The following GPHN variants were observed in gnomAD, a reference collection of about 807,000 sequenced individuals.
The protein encoded by GPHN is gephyrin.
In GPHN, 17 loss-of-function variants were observed where a neutral mutation model predicts 95.5. That is an observed-to-expected ratio of 0.18 (90% confidence interval 0.12 to 0.27). The LOEUF is 0.27. Ranked by LOEUF, GPHN falls within the 10% of genes least tolerant of loss-of-function variation. The probability of loss-of-function intolerance (pLI) is 1.00; values close to 1 mark genes in which losing one functional copy is unlikely to be tolerated. For synonymous variants in GPHN, 320 were observed against 322.5 expected (o/e 0.99, Z 0.08); for missense variants, 660 against 978.1 (o/e 0.67, Z 4.34).
chr14:67,357,046 T>A, the GPHN span, among the ~76,000 whole-genome samples: 5 of 152,222 alleles, frequency 3.3e-5, no homozygotes, highest in Non-Finnish European at 4.4e-5. Flanking sequence ...GCAATTTTAA[T>A]TCCTGAAACT....
the GPHN span, chr14:67,412,020 T>G: frequency 9.0e-5 from 140 of 1,555,334 alleles, no homozygotes; most frequent in Non-Finnish European, 1.2e-4. Context: ...GCACTCACCC[T>G]CTTGACCAGG....
At chr14:67,206,255 T>C in the GPHN span, among the ~76,000 whole-genome samples, 1,209 of 152,116 alleles carry the variant, frequency 7.9e-3, 11 homozygotes, top group Admixed American at 0.018. Context: ...TCCCAGCACT[T>C]TGGGAGACCG....
At chr14:67,188,433 T>C in the GPHN span, among the ~76,000 whole-genome samples, 2 of 152,242 alleles carry the variant, frequency 1.3e-5, no homozygotes, top group African/African-American at 2.4e-5. Context: ...CAGAATTAAA[T>C]TGATATCATC....
At chr14:67,189,847 T>TC in the GPHN span, 1 of 145,618 alleles carries the variant, frequency 6.9e-6, no homozygotes, top group East Asian at 2.0e-4. Flanking sequence ...ATTTTTTTTT[T>TC]TTTTTTTTTT....
At chr14:67,203,343 G>A in the GPHN span, 4 of 1,430,884 alleles carry the variant, frequency 2.8e-6, no homozygotes, top group African/African-American at 1.4e-5. Context: ...ATGTGCATTA[G>A]CCCTGTGGAT....
At chr14:67,241,921 C>G in the GPHN span, 1 of 152,142 alleles carries the variant, frequency 6.6e-6, no homozygotes, top group Non-Finnish European at 1.5e-5. Context: ...GGGAAATCGG[C>G]GAGGGAACGC....
At chr14:67,725,954 A>G in the GPHN span, 1 of 851,852 alleles carries the variant, frequency 1.2e-6, no homozygotes, top group Non-Finnish European at 2.0e-6. Flanking sequence ...AACAAAGACA[A>G]CTAATGAACA....
At chr14:67,195,705 C>A in the GPHN span, among the ~76,000 whole-genome samples, 1 of 138,078 alleles carries the variant, frequency 7.2e-6, no homozygotes, top group Non-Finnish European at 1.5e-5. Flanking sequence ...TTAATGCTTT[C>A]TTTTTGGTTG....
intron 5 of GPHN, among the ~76,000 whole-genome samples, chr14:66,899,231 A>T (rs1274625570): frequency 2.0e-5 from 3 of 149,852 alleles, no homozygotes; most frequent in African/African-American, 7.4e-5. Flanking sequence ...GTTTTACTTC[A>T]TTCTTTGTGA....
intron 1 of GPHN, among the ~76,000 whole-genome samples, chr14:66,570,077 C>T (rs866766046): frequency 6.6e-6 from 1 of 151,816 alleles, no homozygotes. Context: ...CATTTAACAA[C>T]ATGGATGAAT....
At chr14:67,541,771 C>A in the GPHN span, 1 of 1,157,774 alleles carries the variant, frequency 8.6e-7, no homozygotes, top group Non-Finnish European at 1.2e-6. Flanking sequence ...CCCGTTCTTT[C>A]CCCACAGAAC....
the GPHN span, among the ~76,000 whole-genome samples, chr14:67,595,897 T>C: frequency 7.2e-5 from 11 of 152,210 alleles, no homozygotes; most frequent in African/African-American, 2.7e-4. Flanking sequence ...TCCTACCTTA[T>C]GACTTCTTGT....
At chr14:67,624,846 A>G in the GPHN span, among the ~76,000 whole-genome samples, 4 of 152,316 alleles carry the variant, frequency 2.6e-5, no homozygotes, top group South Asian at 8.3e-4. Flanking sequence ...AAAACATTGA[A>G]TCTCAGTAAG....
At position 66,924,264 on chromosome 14, in the gene GPHN, A is replaced by T; in HGVS notation, c.800A>T (p.Asn267Ile). 6.2e-7 allele frequency: 1 copy of T among 1,608,546 alleles called. No homozygotes were observed. Among genetic ancestry groups the T allele is most frequent in the Non-Finnish European group, 8.5e-7 (1 of 1,174,890 alleles). The stretch of plus-strand genomic sequence containing the variant: ...GAACAGCCCATCCCTGGTCTCATCA[A>T]TTATTCCCATCATTCAACAGATGAA... ...HGEQPIPGLI[N>I]YSHHSTDERI... is the part of the protein sequence containing the mutation. The change falls in exon 8 of 23, where the codon AAT becomes ATT. Residue 267 changes from asparagine to isoleucine, a missense_variant. Physicochemically the swap from Asn to Ile is moderately radical, Grantham distance 149 (BLOSUM62 -3). This residue lies in a region of GPHN where 190 missense variants were observed against 224.7 expected (regional missense o/e 0.85). Transcript: ENST00000478722.
At chr14:67,258,758 A>G in the GPHN span, among the ~76,000 whole-genome samples, 1 of 152,100 alleles carries the variant, frequency 6.6e-6, no homozygotes, top group East Asian at 2.0e-4. Context: ...CCTTAATAAC[A>G]AAGTAATAGT....
At chr14:67,320,428 G>C in the GPHN span, 1 of 1,543,320 alleles carries the variant, frequency 6.5e-7, no homozygotes, top group African/African-American at 1.4e-5. Context: ...ATTTTCCTGT[G>C]CTTTTCAATT....
chr14:67,316,719 G>A, the GPHN span: 1 of 758,516 alleles, frequency 1.3e-6, no homozygotes, highest in Non-Finnish European at 2.0e-6. Flanking sequence ...AAAGGATTTG[G>A]AAGGGAATAT....
chr14:67,674,584 G>C, the GPHN span: 2 of 1,039,952 alleles, frequency 1.9e-6, no homozygotes, highest in Non-Finnish European at 2.6e-6. Context: ...TGGCCATAAC[G>C]GCGACCGCCG....
chr14:67,465,780 A>G, the GPHN span, among the ~76,000 whole-genome samples: 10 of 152,240 alleles, frequency 6.6e-5, no homozygotes, highest in Non-Finnish European at 1.2e-4. Context: ...TTGCAGTTGT[A>G]ATTAAGGATC....
Sources: allele counts gnomAD v4.1 joint callset (sites outside exome capture counted in the v4.1 genomes callset), GRCh38; gene constraint gnomAD v4.1.1; regional missense constraint gnomAD v4.1.1; transcripts MANE v1.5; gene names NCBI Gene and HGNC (gene_info 2026-07-23, HGNC 2026-07-21).